The following PTPRS variants were observed in gnomAD, a reference collection of about 807,000 sequenced individuals.
PTPRS encodes the protein receptor-type tyrosine-protein phosphatase S.
A neutral mutation model predicts 215.3 loss-of-function variants in PTPRS; 63 were observed. The observed-to-expected ratio is 0.29, with a 90% CI of 0.24 to 0.36. The LOEUF is 0.36. Among genes scored for constraint, PTPRS ranks in the 10% least tolerant of loss-of-function variants. PTPRS has a pLI of 1.00. For missense variants in PTPRS, 2,258 were observed against 2,825.8 expected (o/e 0.80, Z 4.56); for synonymous variants, 1,404 against 1,191.4 (o/e 1.18, Z -3.68).
chr19:5,278,451 T>TCA (rs1214596016), intron 2 of PTPRS, among the ~76,000 whole-genome samples: 3 of 151,474 alleles, frequency 2.0e-5, no homozygotes, highest in African/African-American at 7.3e-5. Context: ...AGCGATCCTC[T>TCA]CACCTCGAGA....
chr19:5,226,400 T>C (rs4807699), intron 16 of PTPRS, among the ~76,000 whole-genome samples: 72,929 of 152,040 alleles, frequency 0.48, 19,153 homozygotes, highest in East Asian at 0.79. Flanking sequence ...TCAGGAATTT[T>C]GTGAGCCACT....
chr19:5,269,479 C>T (rs1437593963), intron 4 of PTPRS, among the ~76,000 whole-genome samples: 1 of 152,102 alleles, frequency 6.6e-6, no homozygotes, highest in African/African-American at 2.4e-5. Flanking sequence ...CCCCCACCAA[C>T]TGCCAGGGAC....
At chr19:5,303,023 T>C (rs2049354022) in intron 1 of PTPRS, among the ~76,000 whole-genome samples, 1 of 151,798 alleles carries the variant, frequency 6.6e-6, no homozygotes, top group African/African-American at 2.4e-5. Context: ...TGAGCCGAGA[T>C]GGCACCACTG....
chr19:5,214,330 C>T, intron 30 of PTPRS, 31 bp downstream of exon 30: 1 of 1,613,772 alleles, frequency 6.2e-7, no homozygotes, highest in Non-Finnish European at 8.5e-7. Context: ...ATTCCTCCAC[C>T]CTCAGCCCCC....
rs2048105748 is a variant in PTPRS, at chr19:5,283,988, G to A, written c.91+2062C>T. On this transcript the variant is annotated intron_variant, in intron 2 of 37. Transcript: ENST00000262963. ...CCAGTACTTTGGGAGGCTGAGGTGG[G>A]AGGATTGCTTAAGCTCACGAGTTTG... Among the ~76,000 whole-genome samples the A allele has an allele frequency of 3.3e-5, 5 of 152,170 alleles. No homozygotes were observed. In the South Asian group the frequency reaches 1.0e-3, roughly 32 times the overall value.
In PTPRS at chr19:5,258,003, G is replaced by T. The variant is rs750520001; in HGVS notation, c.706+14C>A. 1 of 1,607,980 alleles carries T rather than the reference G, an allele frequency of 6.2e-7. No homozygotes were observed. Among genetic ancestry groups the T allele is most frequent in the Non-Finnish European group, 8.5e-7 (1 of 1,175,520 alleles). On this transcript the variant is annotated intron_variant, in intron 8 of 37. Transcript: ENST00000262963. ...GCGGGTCCCTGCCTTTGACCTGGAC[G>T]CGGCGTTCCCTACCTCGCACGTAGA...
chr19:5,250,664 T>TGGGGGGGG (rs1216689691), intron 9 of PTPRS, among the ~76,000 whole-genome samples: 2 of 9,620 alleles, frequency 2.1e-4, no homozygotes, highest in South Asian at 5.1e-3. Context: ...GGCGGTGGGG[T>TGGGGGGGG]GGGGGGGTGG....
intron 2 of PTPRS, among the ~76,000 whole-genome samples, chr19:5,277,240 T>A (rs2047458353): frequency 6.6e-6 from 1 of 152,020 alleles, no homozygotes; most frequent in African/African-American, 2.4e-5. Context: ...TTTTATTTTT[T>A]TTCCCCGAGG....
intron 7 of PTPRS, 99 bp downstream of exon 7, chr19:5,260,706 G>T: frequency 6.9e-7 from 1 of 1,446,622 alleles, no homozygotes. Flanking sequence ...GGGTGGACAC[G>T]CATGGAAGGG....
At position 5,335,453 on chromosome 19, in the gene PTPRS, T is replaced by C. The variant is rs559975881; in HGVS notation, c.-95+5211A>G. 3.3e-5 allele frequency among the ~76,000 whole-genome samples: 5 copies of C among 151,700 alleles called. No homozygotes were observed. The South Asian group carries it at 1.0e-3, about 32-fold the overall frequency. ...CAGAGGGGTAACCTCATTCTGTAAGTGAGGAAGCTCCTGCACGGAGAACTG... is the reference window on the plus strand; with the variant it reads ...CAGAGGGGTAACCTCATTCTGTAAGCGAGGAAGCTCCTGCACGGAGAACTG... On this transcript the variant is annotated intron_variant, in intron 1 of 37. Transcript: ENST00000262963.
rs765283587 is a variant in PTPRS, at chr19:5,219,483, G to C, written c.3766-16C>G. On this transcript the variant is annotated splice_polypyrimidine_tract_variant and intron_variant, in intron 22 of 37. Coordinates refer to ENST00000262963, the MANE Select transcript of PTPRS (RefSeq NM_002850.4). Reference sequence around the variant, plus strand: ...CTGCAAAGGTCTGCAGGGAAAGGAGGGGGGTCTCCATCAGTGTCCACCCTC... The same window carrying C: ...CTGCAAAGGTCTGCAGGGAAAGGAGCGGGGTCTCCATCAGTGTCCACCCTC... The C allele has an allele frequency of 1.3e-6, 2 of 1,552,306 alleles. No individual in the cohort carries two copies. The highest frequency in any genetic ancestry group is 1.2e-5 in the South Asian group (1 of 81,114).
rs2043511711 is a variant in PTPRS at position 5,237,008 on chromosome 19, C to T, written c.1849+1911G>A. Among the ~76,000 whole-genome samples the T allele has an allele frequency of 6.6e-6, 1 of 152,178 alleles. No individual in the cohort carries two copies. The highest frequency in any genetic ancestry group is 2.4e-5 in the African/African-American group (1 of 41,444). On this transcript the variant is annotated intron_variant, in intron 13 of 37. Transcript: ENST00000262963. The surrounding 1 kb of genome is among the most constrained non-coding windows in gnomAD (Gnocchi z 4.2). ...TTAATAAAAGAAAGAAAGACTCCTT[C>T]CAGAAAACGCCCAGTCTGGTTACCT...
At chr19:5,243,719 G>A (rs572454317) in intron 11 of PTPRS, among the ~76,000 whole-genome samples, 182 bp downstream of exon 11, 3 of 152,226 alleles carry the variant, frequency 2.0e-5, no homozygotes, top group Non-Finnish European at 2.9e-5. Context: ...TGACCCGCCC[G>A]CCTTGGCCTC....
chr19:5,221,292 C>A lies in PTPRS; in HGVS notation c.3202-39G>T, dbSNP rs189854957. The A allele has an allele frequency of 2.2e-5, 35 of 1,586,654 alleles. No homozygotes were observed. In the African/African-American group the frequency reaches 4.3e-4, roughly 19 times the overall value. ...CTAGCTCAGCAGGGCCTGGTGGGCT[C>A]ATGCCCATGGACTGAGCCCCAGCTC... On this transcript the variant is annotated intron_variant, in intron 19 of 37. Coordinates refer to ENST00000262963, the MANE Select transcript of PTPRS (RefSeq NM_002850.4).
intron 13 of PTPRS, among the ~76,000 whole-genome samples, chr19:5,236,929 C>T (rs747966575): frequency 3.3e-5 from 5 of 150,590 alleles, no homozygotes; most frequent in Admixed American, 6.6e-5. Context: ...AAAATAAAAC[C>T]GAAACCATAA....
At chr19:5,245,114 G>C (rs558317136) in intron 10 of PTPRS, among the ~76,000 whole-genome samples, 1 of 151,746 alleles carries the variant, frequency 6.6e-6, no homozygotes, top group African/African-American at 2.4e-5. Flanking sequence ...CGAGTAGCTG[G>C]GATTACAGAT....
chr19:5,215,645 C>A (rs552838679), intron 26 of PTPRS, 50 bp from the exon 27 acceptor site: 17 of 355,872 alleles, frequency 4.8e-5, no homozygotes, highest in Non-Finnish European at 6.8e-5. Context: ...GGGGGCCAGC[C>A]GGGGACTCGG....
chr19:5,286,994 C>A (rs1015839794), intron 1 of PTPRS, among the ~76,000 whole-genome samples: 2 of 152,158 alleles, frequency 1.3e-5, no homozygotes, highest in Admixed American at 1.3e-4. Flanking sequence ...AAAACCTGAT[C>A]CCCCAGGTTA....
intron 1 of PTPRS, among the ~76,000 whole-genome samples, chr19:5,291,690 C>G (rs1238910219): frequency 6.6e-6 from 1 of 152,064 alleles, no homozygotes; most frequent in African/African-American, 2.4e-5. Context: ...ACACCCTTCC[C>G]CAGCTGGCCC....
Sources: gnomAD v4.1 joint callset for allele counts (sites outside exome capture counted in the v4.1 genomes callset) on GRCh38, gnomAD v4.1.1 for gene constraint, Gnocchi (gnomAD v3.1) non-coding constraint, MANE v1.5 for transcripts, NCBI Gene and HGNC (gene_info 2026-07-23, HGNC 2026-07-21) for gene names.